The following GIT2 variants were observed in gnomAD, a reference collection of about 807,000 sequenced individuals.
GIT2 encodes GIT ArfGAP 2.
Under a neutral mutation model 100.3 loss-of-function variants are expected in GIT2, and 32 were observed. The ratio of observed to expected loss-of-function variants is 0.32; its 90% CI spans 0.24 to 0.43. The LOEUF is 0.43. Ranked by LOEUF, GIT2 falls within the 20% of genes least tolerant of loss-of-function variation. The probability of loss-of-function intolerance (pLI) is 1.00; values close to 1 mark genes in which losing one functional copy is unlikely to be tolerated. For missense variants in GIT2, 737 were observed against 975.1 expected (o/e 0.76, Z 3.25); for synonymous variants, 353 against 364.1 (o/e 0.97, Z 0.35).
intron 4 of GIT2, 68 bp downstream of exon 4, chr12:109,988,895 G>GT (rs1320638184): frequency 2.0e-5 from 11 of 561,426 alleles, no homozygotes; most frequent in East Asian, 8.1e-5. Flanking sequence ...CTTTTTTTTC[G>GT]TTTTTTCAAA....
At chr12:109,960,050 C>T (rs16940719) in intron 11 of GIT2, 92 bp from the exon 12 acceptor site, 36,922 of 801,014 alleles carry the variant, frequency 0.046, 1,367 homozygotes, top group African/African-American at 0.15. Context: ...TGACAGACTT[C>T]TGCAAATACT....
Position 109,930,764 on chromosome 12 carries a change from C to T in GIT2, c.*2214G>A, listed in dbSNP as rs768073095. 1.3e-5 allele frequency: 2 copies of T among 152,296 alleles called. No homozygotes were observed. Among genetic ancestry groups the T allele is most frequent in the Non-Finnish European group, 2.9e-5 (2 of 68,090 alleles). 9.4% of individuals were successfully genotyped at this position (152,296 alleles called of 1,614,324 possible). A position where few individuals can be genotyped will look rare whatever the true frequency, so the allele number is the denominator to read the frequency against. ...AAACATTCCAAGGAAAACACTGCTT[C>T]ACCTCCTGCAGACAGCTCATTTCCC... On this transcript the variant is annotated 3_prime_UTR_variant, in exon 20 of 20. Coordinates refer to ENST00000355312, the MANE Select transcript of GIT2 (RefSeq NM_057169.5).
At chr12:109,944,698 CT>C (rs1428970090) in intron 16 of GIT2, among the ~76,000 whole-genome samples, 1 of 152,118 alleles carries the variant, frequency 6.6e-6, no homozygotes, top group Non-Finnish European at 1.5e-5. Flanking sequence ...AAGTGAACAG[CT>C]TTAGGTTAAC....
In GIT2 at chr12:109,983,353, C is replaced by T. The variant is rs200516744; in HGVS notation, c.623+20G>A. On this transcript the variant is annotated intron_variant, in intron 6 of 19. Transcript: ENST00000355312. ...ACAAAAAAATCCCAGAGAGAAGTAG[C>T]GAGAATCTAGGTCTCTTACCTTGCA... 12 of 1,606,718 alleles carry T rather than the reference C, an allele frequency of 7.5e-6. No individual in the cohort carries two copies. The highest frequency in any genetic ancestry group is 5.1e-5 in the Admixed American group (3 of 58,374).
At chr12:109,945,196 A>G (rs1875972490) in intron 16 of GIT2, 64 bp downstream of exon 16, 2 of 803,654 alleles carry the variant, frequency 2.5e-6, no homozygotes, top group Admixed American at 1.9e-5. Context: ...CCAGAGCCCA[A>G]GCACAAAGCG....
chr12:109,964,002 T>C (rs1054899422), intron 9 of GIT2, among the ~76,000 whole-genome samples: 3 of 152,216 alleles, frequency 2.0e-5, no homozygotes, highest in Non-Finnish European at 4.4e-5. Context: ...TCCAGGTCTT[T>C]ACTTCATGCC....
rs556596506 is a variant in GIT2 at position 109,942,022 on chromosome 12, A to G, written c.1732-2775T>C. On this transcript the variant is annotated intron_variant, in intron 16 of 19. Coordinates refer to ENST00000355312, the MANE Select transcript of GIT2 (RefSeq NM_057169.5). ...TACTTTTTTGTGGAGACAAGGTCTC[A>G]CTATGTTGCCCAGCCTGGTCTTGAA... is the stretch of plus-strand genomic sequence containing the variant. Among the ~76,000 whole-genome samples the G allele has an allele frequency of 6.1e-4, 93 of 152,132 alleles. 2 individuals are homozygous for G. Among genetic ancestry groups the G allele is most frequent in the Non-Finnish European group, 1.0e-3 (69 of 67,986 alleles).
chr12:109,942,357 T>G (rs1875024746), intron 16 of GIT2, among the ~76,000 whole-genome samples: 2 of 152,276 alleles, frequency 1.3e-5, no homozygotes, highest in African/African-American at 2.4e-5. Flanking sequence ...AGACAGAGTC[T>G]TGCTCTGTCG....
rs986215584 is a variant in GIT2, at chr12:109,934,736, T to G, written c.2004-651A>C. Among the ~76,000 whole-genome samples the G allele has an allele frequency of 6.6e-6, 1 of 152,166 alleles. No individual in the cohort carries two copies. Among genetic ancestry groups the G allele is most frequent in the Non-Finnish European group, 1.5e-5 (1 of 68,032 alleles). On this transcript the variant is annotated intron_variant, in intron 18 of 19. Coordinates refer to ENST00000355312, the MANE Select transcript of GIT2 (RefSeq NM_057169.5). The surrounding 1 kb of genome is among the most constrained non-coding windows in gnomAD (Gnocchi z 4.5). ...TTCTGAATAGATTGTCATAAGCAAC[T>G]TATGCACTTCACCTTTGTAACAAGT...
intron 16 of GIT2, among the ~76,000 whole-genome samples, chr12:109,944,965 C>G (rs2292355): frequency 0.19 from 28,629 of 152,090 alleles, 4,966 homozygotes; most frequent in African/African-American, 0.47. Context: ...CTAATTTTCT[C>G]GTTGTTTAAA....
chr12:109,957,063 T>C (rs1879699769), intron 12 of GIT2, among the ~76,000 whole-genome samples: 1 of 152,028 alleles, frequency 6.6e-6, no homozygotes, highest in South Asian at 2.1e-4. Flanking sequence ...CTTTGTCTCA[T>C]ATAATTACTA....
intron 16 of GIT2, chr12:109,939,482 C>T (rs564832929): frequency 8.2e-6 from 3 of 367,342 alleles, no homozygotes; most frequent in South Asian, 7.8e-5. Context: ...CTAATCAGAT[C>T]CTTAGTACAA....
intron 1 of GIT2, among the ~76,000 whole-genome samples, chr12:109,995,751 C>T (rs1181906548): frequency 6.6e-6 from 1 of 152,190 alleles, no homozygotes; most frequent in African/African-American, 2.4e-5. Flanking sequence ...GGAGTGTCAT[C>T]CTCCCCGGGC....
At position 109,948,878 on chromosome 12, in the gene GIT2, T is replaced by G. The variant is rs1238505601; in HGVS notation, c.1393-1374A>C. On this transcript the variant is annotated intron_variant, in intron 14 of 19. Coordinates refer to ENST00000355312, the MANE Select transcript of GIT2 (RefSeq NM_057169.5). The surrounding 1 kb of genome is among the most constrained non-coding windows in gnomAD (Gnocchi z 4.3). Reference sequence around the variant, plus strand: ...AATGTGAAAGATCAGATACAAATCATGCTACTTTGTCAACTTTATGTATAT... The same window carrying G: ...AATGTGAAAGATCAGATACAAATCAGGCTACTTTGTCAACTTTATGTATAT... 6.8e-7 allele frequency: 1 copy of G among 1,472,234 alleles called. No individual in the cohort carries two copies. 91.2% of individuals were successfully genotyped at this position (1,472,234 alleles called of 1,614,324 possible). A position where few individuals can be genotyped will look rare whatever the true frequency, so the allele number is the denominator to read the frequency against.
rs2136241537 is a variant in GIT2, at chr12:109,948,175, A to C, written c.1393-671T>G. 1.0e-6 allele frequency: 1 copy of C among 979,734 alleles called. No individual in the cohort carries two copies. 60.7% of individuals were successfully genotyped at this position (979,734 alleles called of 1,614,324 possible). A position where few individuals can be genotyped will look rare whatever the true frequency, so the allele number is the denominator to read the frequency against. Reference sequence around the variant, plus strand: ...CGGATCATGGTAAGTTTGCTATATTAACATATCACGAAGAAAACTGGAAAC... The same window carrying C: ...CGGATCATGGTAAGTTTGCTATATTCACATATCACGAAGAAAACTGGAAAC... On this transcript the variant is annotated intron_variant, in intron 14 of 19. Transcript: ENST00000355312. This position sits in a 1 kb window ranked among gnomAD's most constrained non-coding sequence, Gnocchi z 4.3.
chr12:109,991,036 G>A (rs182862610), intron 2 of GIT2, among the ~76,000 whole-genome samples: 2 of 152,276 alleles, frequency 1.3e-5, no homozygotes, highest in African/African-American at 2.4e-5. Flanking sequence ...CTGGCCGGGC[G>A]CGGTGGCTCA....
chr12:109,977,264 T>C lies in GIT2; in HGVS notation c.718+3688A>G, dbSNP rs533859248. Among the ~76,000 whole-genome samples, 16 of 152,014 alleles carry C rather than the reference T, an allele frequency of 1.1e-4. No homozygotes were observed. In the East Asian group the frequency reaches 3.1e-3, roughly 29 times the overall value. ...AAAAAGGAGCAGTGGCTCATGCCTGTAATCGGGAGGCCCAGGTGGGTGGAT... is the reference window on the plus strand; with the variant it reads ...AAAAAGGAGCAGTGGCTCATGCCTGCAATCGGGAGGCCCAGGTGGGTGGAT... On this transcript the variant is annotated intron_variant, in intron 7 of 19. Transcript: ENST00000355312.
At chr12:109,990,589 T>C (rs1156504148) in intron 2 of GIT2, among the ~76,000 whole-genome samples, 2 of 152,236 alleles carry the variant, frequency 1.3e-5, no homozygotes, top group Non-Finnish European at 1.5e-5. Context: ...TTTTGGCTCC[T>C]TGGTTCACAC....
At chr12:109,960,401 A>G (rs1593035135) in intron 11 of GIT2, among the ~76,000 whole-genome samples, 1 of 152,062 alleles carries the variant, frequency 6.6e-6, no homozygotes, top group Admixed American at 6.6e-5. Flanking sequence ...AGGCGGGAGG[A>G]TCACTTGAGG....
Sources: gnomAD v4.1 joint callset for allele counts (sites outside exome capture counted in the v4.1 genomes callset) on GRCh38, gnomAD v4.1.1 for gene constraint, Gnocchi (gnomAD v3.1) non-coding constraint, MANE v1.5 for transcripts, NCBI Gene and HGNC (gene_info 2026-07-23, HGNC 2026-07-21) for gene names.